Variants in FRMD4B observed in about 807,000 individuals in gnomAD.
FRMD4B encodes the protein FERM domain containing 4B, also known as FERM domain-containing protein 4B.
Under a neutral mutation model 141.5 loss-of-function variants are expected in FRMD4B, and 74 were observed. The ratio of observed to expected loss-of-function variants is 0.52; its 90% CI spans 0.43 to 0.63. The LOEUF is 0.63. FRMD4B is among the 30% of genes least tolerant of loss of function. The probability of loss-of-function intolerance (pLI) is 0.00; values close to 1 mark genes in which losing one functional copy is unlikely to be tolerated. For missense variants in FRMD4B, 1,366 were observed against 1,253.4 expected (o/e 1.09, Z -1.36); for synonymous variants, 506 against 467.9 (o/e 1.08, Z -1.05).
At chr3:69,337,006 G>A (rs1702579555) in intron 1 of FRMD4B, among the ~76,000 whole-genome samples, 2 of 152,090 alleles carry the variant, frequency 1.3e-5, no homozygotes, top group South Asian at 4.1e-4. Flanking sequence ...GTCCATTAAT[G>A]GTAGAACAGA....
intron 1 of FRMD4B, 84 bp from the exon 2 acceptor site, chr3:69,313,601 T>C (rs1701683641): frequency 1.2e-6 from 1 of 816,696 alleles, no homozygotes; most frequent in South Asian, 1.6e-5. Context: ...TTATTTTATA[T>C]GAGATGGGCT....
rs111433981 is a variant in FRMD4B, at chr3:69,273,360, G to A, written c.501+14392C>T. Among the ~76,000 whole-genome samples, 978 of 152,306 alleles carry A rather than the reference G, an allele frequency of 6.4e-3. 5 individuals are homozygous for A. The highest frequency in any genetic ancestry group is 0.017 in the Middle Eastern group (5 of 294). Reference sequence around the variant, plus strand: ...CAGTGATTCTCCTATGTCTCCAAAAGACACTTAGAGCAAGGATGGCAGCAG... The same window carrying A: ...CAGTGATTCTCCTATGTCTCCAAAAAACACTTAGAGCAAGGATGGCAGCAG... On this transcript the variant is annotated intron_variant, in intron 5 of 22. Coordinates refer to ENST00000398540, the MANE Select transcript of FRMD4B (RefSeq NM_015123.3).
At chr3:69,303,720 A>G (rs572860485) in intron 3 of FRMD4B, among the ~76,000 whole-genome samples, 4 of 152,182 alleles carry the variant, frequency 2.6e-5, no homozygotes, top group African/African-American at 9.7e-5. Context: ...GCTTGAGCCC[A>G]GGAATTTGAG....
chr3:69,263,706 C>T (rs921296739), intron 5 of FRMD4B, among the ~76,000 whole-genome samples: 3 of 150,754 alleles, frequency 2.0e-5, no homozygotes, highest in African/African-American at 2.4e-5. Flanking sequence ...GCCATAGTAC[C>T]CAGCCTATAT....
In FRMD4B at chr3:69,286,247, T is replaced by C. The variant is rs183947009; in HGVS notation, c.501+1505A>G. 3.3e-5 allele frequency among the ~76,000 whole-genome samples: 5 copies of C among 152,340 alleles called. No individual in the cohort carries two copies. In the East Asian group the frequency reaches 7.7e-4, roughly 24 times the overall value. ...GAAATGCTAACTCCATGGGTAAATATGTAAGACTTTTGGTACTGTTTAAAT... is the reference window on the plus strand; with the variant it reads ...GAAATGCTAACTCCATGGGTAAATACGTAAGACTTTTGGTACTGTTTAAAT... On this transcript the variant is annotated intron_variant, in intron 5 of 22. Transcript: ENST00000398540.
chr3:69,172,123 G>A, intron 22 of FRMD4B, 142 bp from the exon 23 acceptor site: 1 of 677,602 alleles, frequency 1.5e-6, no homozygotes, highest in Non-Finnish European at 2.6e-6. Flanking sequence ...AAAGGAGAAG[G>A]GTGACTGCAT....
intron 22 of FRMD4B, among the ~76,000 whole-genome samples, chr3:69,172,203 G>C (rs1362350014): frequency 3.3e-5 from 5 of 152,208 alleles, no homozygotes; most frequent in African/African-American, 4.8e-5. Context: ...TCTCTGGAAA[G>C]ATATGCCTTT....
rs750124791 is a variant in FRMD4B at position 69,193,630 on chromosome 3, A to C, written c.1714+18T>G. The C allele has an allele frequency of 1.4e-6, 2 of 1,432,732 alleles. No individual in the cohort carries two copies. Among genetic ancestry groups the C allele is most frequent in the South Asian group, 1.2e-5 (1 of 81,760 alleles). 88.8% of individuals were successfully genotyped at this position (1,432,732 alleles called of 1,614,324 possible). On this transcript the variant is annotated intron_variant, in intron 17 of 22. Transcript: ENST00000398540. ...CTGAGTAGGGGACTCAAAAAAAAAA[A>C]CCTTACTTATTACTAACCTGGTAAC...
intron 11 of FRMD4B, among the ~76,000 whole-genome samples, chr3:69,204,423 T>A (rs1403060460): frequency 6.6e-6 from 1 of 152,148 alleles, no homozygotes; most frequent in Non-Finnish European, 1.5e-5. Context: ...AACTGCAAAT[T>A]CGCCTGGAAA....
chr3:69,405,241 G>C (rs1704630706), intron 2 of FRMD4B, among the ~76,000 whole-genome samples: 1 of 152,142 alleles, frequency 6.6e-6, no homozygotes, highest in African/African-American at 2.4e-5. Flanking sequence ...TCATTCTGTT[G>C]AGTGTGCTAT....
chr3:69,445,936 G>A (rs1190386077), intron 1 of FRMD4B, among the ~76,000 whole-genome samples: 2 of 152,246 alleles, frequency 1.3e-5, no homozygotes, highest in Admixed American at 6.5e-5. Flanking sequence ...ATATTGCTTT[G>A]TCCTGTTCAC....
At chr3:69,508,707 CA>C (rs1042722972) in intron 1 of FRMD4B, among the ~76,000 whole-genome samples, 7 of 152,178 alleles carry the variant, frequency 4.6e-5, no homozygotes, top group African/African-American at 1.7e-4. Flanking sequence ...TTTAAAATAT[CA>C]GGTGATTTAA....
At chr3:69,349,831 G>A (rs1703074469) in intron 1 of FRMD4B, among the ~76,000 whole-genome samples, 1 of 152,116 alleles carries the variant, frequency 6.6e-6, no homozygotes, top group Admixed American at 6.5e-5. Context: ...ATTCAAGGTG[G>A]ATTAAAGACC....
upstream of FRMD4B, among the ~76,000 whole-genome samples, chr3:69,387,950 G>A (rs563146947): frequency 1.3e-5 from 2 of 152,002 alleles, no homozygotes; most frequent in African/African-American, 4.8e-5. Flanking sequence ...TGATGGTAAC[G>A]ATGAATCTGA....
intron 2 of FRMD4B, among the ~76,000 whole-genome samples, chr3:69,412,380 T>A (rs1704774493): frequency 6.6e-6 from 1 of 152,206 alleles, no homozygotes; most frequent in African/African-American, 2.4e-5. Flanking sequence ...GGTGGACTGG[T>A]CAACTTTCAG....
chr3:69,318,766 G>A (rs991125931), intron 1 of FRMD4B, among the ~76,000 whole-genome samples: 6 of 152,172 alleles, frequency 3.9e-5, no homozygotes, highest in Non-Finnish European at 5.9e-5. Context: ...TAGAAATCAG[G>A]TAATGCCACA....
intron 3 of FRMD4B, among the ~76,000 whole-genome samples, chr3:69,303,389 C>T (rs966336806): frequency 2.7e-5 from 4 of 148,754 alleles, no homozygotes; most frequent in Admixed American, 6.7e-5. Context: ...TTCCAAGAGA[C>T]GATATTAAAT....
intron 2 of FRMD4B, among the ~76,000 whole-genome samples, chr3:69,428,372 TC>T (rs1161731929): frequency 6.7e-6 from 1 of 149,116 alleles, no homozygotes; most frequent in Non-Finnish European, 1.5e-5. Context: ...CTTGTAAAGT[TC>T]CTAAAACAAC....
rs969853832 is a variant in FRMD4B at position 69,168,998 on chromosome 3, CAAACAAAA to C, written c.*2855_*2862del. On this transcript the variant is annotated 3_prime_UTR_variant, in exon 23 of 23. Transcript: ENST00000398540. Reference sequence around the variant, plus strand: ...AAGATATATTAGGCAGAAAACAAAACAAACAAAAAAAAATGTTGTAAAACTGTACTTGT... The same window carrying C: ...AAGATATATTAGGCAGAAAACAAAACAAAAATGTTGTAAAACTGTACTTGT... Among the ~76,000 whole-genome samples the C allele has an allele frequency of 1.1e-4, 13 of 119,688 alleles. No individual in the cohort carries two copies. 78.5% of individuals were successfully genotyped at this position (119,688 alleles called of 152,430 possible).
Sources: gnomAD v4.1 joint callset for allele counts (sites outside exome capture counted in the v4.1 genomes callset) on GRCh38, gnomAD v4.1.1 for gene constraint, MANE v1.5 for transcripts, NCBI Gene and HGNC (gene_info 2026-07-23, HGNC 2026-07-21) for gene names.